SERTAD4: variants seen among roughly 807,000 people sequenced by gnomAD.
SERTAD4 encodes the protein SERTA domain containing 4, also known as SERTA domain-containing protein 4.
In SERTAD4, 18 loss-of-function variants were observed where a neutral mutation model predicts 32.9. That is an observed-to-expected ratio of 0.55 (90% CI 0.38 to 0.81). The LOEUF (loss-of-function observed/expected upper bound fraction) is 0.81, where lower values mean the gene tolerates loss of function less well. SERTAD4 is among the 30% of genes least tolerant of loss of function. The pLI is 0.00. For synonymous variants in SERTAD4, 150 were observed against 156.4 expected, an observed-to-expected ratio of 0.96 and a Z score of 0.30; for missense variants, 383 against 426.0, an observed-to-expected ratio of 0.90 and a Z score of 0.89.
At chr1:210,235,026 C>T (rs973203659) in intron 1 of SERTAD4, among the ~76,000 whole-genome samples, 25 of 152,108 alleles carry the variant, frequency 1.6e-4, no homozygotes, top group Non-Finnish European at 2.9e-4. Flanking sequence ...ATTCAGGAGC[C>T]TGAGGATGAA....
At chr1:210,236,543 T>G (rs2083942121) in intron 1 of SERTAD4, among the ~76,000 whole-genome samples, 1 of 152,234 alleles carries the variant, frequency 6.6e-6, no homozygotes, top group Admixed American at 6.5e-5. Flanking sequence ...CGCCTTACCC[T>G]GGTGTTTTTC....
At chr1:210,236,490 C>A (rs962563007) in intron 1 of SERTAD4, among the ~76,000 whole-genome samples, 1 of 152,188 alleles carries the variant, frequency 6.6e-6, no homozygotes, top group Non-Finnish European at 1.5e-5. Flanking sequence ...CCAAGAGCTG[C>A]TCTTTTAGCC....
intron 1 of SERTAD4, among the ~76,000 whole-genome samples, chr1:210,236,534 G>A (rs886380937): frequency 2.6e-5 from 4 of 152,164 alleles, no homozygotes; most frequent in Non-Finnish European, 4.4e-5. Context: ...ATGCTATTTC[G>A]CCTTACCCTG....
At position 210,238,082 on chromosome 1, in the gene SERTAD4, G is replaced by C. The variant is rs2083959701; in HGVS notation, c.122G>C (p.Gly41Ala). ...ADSYGGPSPP[G>A]PAQAPLQGDR... Reference sequence around the variant, plus strand: ...AGCTACGGAGGCCCAAGCCCCCCAGGGCCAGCACAAGCTCCTTTGCAGGGA... The same window carrying C: ...AGCTACGGAGGCCCAAGCCCCCCAGCGCCAGCACAAGCTCCTTTGCAGGGA... Residue 41 changes from glycine (G) to alanine (A), a missense_variant, in exon 2 of 4, where the codon GGG (glycine) becomes GCG (alanine). Gly to Ala is a moderately conservative substitution (Grantham distance 60, BLOSUM62 0). Around this residue, in one of 3 missense-constraint regions of SERTAD4, gnomAD observed 96 missense variants for 76.6 expected, o/e 1.25. Transcript: ENST00000367012. 1 of 1,613,534 alleles carries C rather than the reference G, an allele frequency of 6.2e-7. No homozygotes were observed. The highest frequency in any genetic ancestry group is 2.2e-5 in the East Asian group (1 of 44,874).
Position 210,245,987 on chromosome 1 carries a change from C to T in SERTAD4, c.*3650C>T, listed in dbSNP as rs2084045525. The T allele has an allele frequency of 1.1e-5, 10 of 943,450 alleles. No individual in the cohort carries two copies. The highest frequency in any genetic ancestry group is 1.3e-5 in the Non-Finnish European group (10 of 791,920). 58.4% of individuals were successfully genotyped at this position (943,450 alleles called of 1,614,324 possible). ...TGAAATTCCATTTTTCTGACAGCCC[C>T]TTAAATTTGAAGTTATTTCATTTGT... On this transcript the variant is annotated 3_prime_UTR_variant, in exon 4 of 4. Coordinates refer to ENST00000367012, the MANE Select transcript of SERTAD4 (RefSeq NM_019605.5).
rs1480898565 is a variant in SERTAD4, at chr1:210,242,087, G to A, written c.821G>A (p.Gly274Asp). The A allele has an allele frequency of 6.2e-7, 1 of 1,614,166 alleles. No homozygotes were observed. Among genetic ancestry groups the A allele is most frequent in the Non-Finnish European group, 8.5e-7 (1 of 1,180,036 alleles). ...EIFVTNVRSL[G>D]VQEKAKLNDE... ...TTTGTCACTAATGTCAGATCACTTGGTGTTCAGGAAAAGGCCAAATTAAAT... is the reference window on the plus strand; with the variant it reads ...TTTGTCACTAATGTCAGATCACTTGATGTTCAGGAAAAGGCCAAATTAAAT... Residue 274 changes from glycine to aspartate, a missense_variant, in exon 4 of 4, where the codon GGT (glycine) becomes GAT (aspartate). Physicochemically the swap from Gly to Asp is moderately conservative, Grantham distance 94. Coordinates refer to ENST00000367012, the MANE Select transcript of SERTAD4 (RefSeq NM_019605.5). The surrounding 1 kb of genome is among the most constrained non-coding windows in gnomAD (Gnocchi z 4.0).
intron 1 of SERTAD4, among the ~76,000 whole-genome samples, chr1:210,233,379 T>A (rs2083898198): frequency 6.6e-6 from 1 of 151,782 alleles, no homozygotes; most frequent in Non-Finnish European, 1.5e-5. Context: ...TGAGACCTCA[T>A]GGTCCTCCGT....
chr1:210,236,303 A>G (rs886326682), intron 1 of SERTAD4, among the ~76,000 whole-genome samples: 4 of 152,212 alleles, frequency 2.6e-5, no homozygotes, highest in African/African-American at 9.6e-5. Flanking sequence ...TTTGGAGGGC[A>G]TCTTAAAAGA....
rs1424659364 is a variant in SERTAD4, at chr1:210,241,935, T to A, written c.669T>A (p.Ser223=). The A allele has an allele frequency of 6.2e-7, 1 of 1,614,172 alleles. No homozygotes were observed. Among genetic ancestry groups the A allele is most frequent in the South Asian group, 1.1e-5 (1 of 91,072 alleles). The stretch of plus-strand genomic sequence containing the variant: ...CTGCTGCCTCCTCTCCCTCCGCCTC[T>A]TCTTCCTCCTCATCTTCCTCTTCCT... ...ASTAASSPSA[S]SSSSSSSSSP... is the part of the protein sequence containing the mutation. Residue 223 remains serine (S), a synonymous_variant, in exon 4 of 4, where the codon TCT becomes TCA. Coordinates refer to ENST00000367012, the MANE Select transcript of SERTAD4 (RefSeq NM_019605.5).
intron 1 of SERTAD4, among the ~76,000 whole-genome samples, chr1:210,234,720 T>C (rs887389456): frequency 2.6e-5 from 4 of 152,134 alleles, no homozygotes; most frequent in African/African-American, 9.7e-5. Context: ...GCTCTCCAAT[T>C]TTCAATGACA....
intron 2 of SERTAD4, among the ~76,000 whole-genome samples, chr1:210,238,357 C>G (rs1332387176): frequency 6.6e-6 from 1 of 152,220 alleles, no homozygotes; most frequent in Admixed American, 6.5e-5. Context: ...TCTACCCATG[C>G]TGCTTTTTGA....
chr1:210,236,935 G>C (rs2083945733), intron 1 of SERTAD4, among the ~76,000 whole-genome samples: 1 of 152,232 alleles, frequency 6.6e-6, no homozygotes, highest in Admixed American at 6.5e-5. Context: ...AAAGGGCCAA[G>C]TGAAGACACA....
chr1:210,241,475 A>G, intron 3 of SERTAD4, 83 bp from the exon 4 acceptor site: 1 of 1,337,600 alleles, frequency 7.5e-7, no homozygotes, highest in Non-Finnish European at 1.0e-6. Context: ...TGCTATGATG[A>G]TGTTTTCATA....
intron 3 of SERTAD4, 101 bp from the exon 4 acceptor site, chr1:210,241,457 A>C: frequency 8.2e-7 from 1 of 1,223,686 alleles, no homozygotes; most frequent in Middle Eastern, 2.9e-4. Flanking sequence ...AGTGCCAAGA[A>C]AGAAGTATGC....
intron 1 of SERTAD4, among the ~76,000 whole-genome samples, chr1:210,235,512 G>A (rs971397440): frequency 6.6e-6 from 1 of 152,180 alleles, no homozygotes. Flanking sequence ...AGGGTTTTGT[G>A]TGTAACAGTT....
chr1:210,245,821 G>A lies in SERTAD4; in HGVS notation c.*3484G>A, dbSNP rs2084043691. 1.0e-6 allele frequency: 1 copy of A among 985,284 alleles called. No individual in the cohort carries two copies. Among genetic ancestry groups the A allele is most frequent in the Non-Finnish European group, 1.2e-6 (1 of 829,880 alleles). The allele number at this position is 985,284 out of a possible 1,614,324, so 61.0% of individuals were successfully genotyped here. ...TCAGGAGCAGAGCAGAGGACAACTTGTAGAAGACATGACCATTAAGAGACA... is the reference window on the plus strand; with the variant it reads ...TCAGGAGCAGAGCAGAGGACAACTTATAGAAGACATGACCATTAAGAGACA... On this transcript the variant is annotated 3_prime_UTR_variant, in exon 4 of 4. Transcript: ENST00000367012.
At chr1:210,240,394 C>T (rs654523) in intron 3 of SERTAD4, among the ~76,000 whole-genome samples, 58,198 of 151,988 alleles carry the variant, frequency 0.38, 13,048 homozygotes, top group East Asian at 0.74. Flanking sequence ...TTGCCTTCCC[C>T]CTCTGCCACC....
chr1:210,237,159 C>G (rs1367097323), intron 1 of SERTAD4: 1 of 152,414 alleles, frequency 6.6e-6, no homozygotes, highest in Non-Finnish European at 1.5e-5. Flanking sequence ...CAGAGCCTGG[C>G]TCCTGTTTAA....
rs981914569 is a variant in SERTAD4 at position 210,242,317 on chromosome 1, A to G, written c.1051A>G (p.Ser351Gly). Residue 351 changes from serine to glycine, a missense_variant, in exon 4 of 4, where the codon AGC becomes GGC. Physicochemically the swap from Ser to Gly is moderately conservative, Grantham distance 56. This residue lies in a region of SERTAD4 where 180 missense variants were observed against 190.6 expected (regional missense o/e 0.94). Coordinates refer to ENST00000367012, the MANE Select transcript of SERTAD4 (RefSeq NM_019605.5). The surrounding 1 kb of genome is among the most constrained non-coding windows in gnomAD (Gnocchi z 4.0). ...ASPPSNKLCCSKGSKI is the reference protein window; with the variant it reads ...ASPPSNKLCCGKGSKI The stretch of plus-strand genomic sequence containing the variant: ...ACCACCAAGTAACAAACTGTGCTGC[A>G]GCAAAGGAAGTAAAATATGAGCCAT... The G allele has an allele frequency of 6.3e-7, 1 of 1,574,848 alleles. No homozygotes were observed. Among genetic ancestry groups the G allele is most frequent in the Non-Finnish European group, 8.6e-7 (1 of 1,164,550 alleles).
Sources: gnomAD v4.1 joint callset for allele counts (sites outside exome capture counted in the v4.1 genomes callset) on GRCh38, gnomAD v4.1.1 for gene constraint, gnomAD v4.1.1 regional missense constraint, Gnocchi (gnomAD v3.1) non-coding constraint, MANE v1.5 for transcripts, NCBI Gene and HGNC (gene_info 2026-07-23, HGNC 2026-07-21) for gene names.